Variants in KCNT2 observed in about 807,000 individuals in gnomAD.
The protein encoded by KCNT2 is potassium sodium-activated channel subfamily T member 2.
Under a neutral mutation model 153.8 loss-of-function variants are expected in KCNT2, and 67 were observed. The observed-to-expected ratio is 0.44, with a 90% CI of 0.36 to 0.53. KCNT2 has a LOEUF of 0.53. Ranked by LOEUF, KCNT2 falls within the 20% of genes least tolerant of loss-of-function variation. The probability of loss-of-function intolerance (pLI) is 0.00; values close to 1 mark genes in which losing one functional copy is unlikely to be tolerated. For synonymous variants in KCNT2, 500 were observed against 458.8 expected (o/e 1.09, Z -1.15); for missense variants, 975 against 1,354.8 (o/e 0.72, Z 4.40).
At chr1:196,572,616 T>C (rs940366861) in intron 1 of KCNT2, among the ~76,000 whole-genome samples, 2 of 152,126 alleles carry the variant, frequency 1.3e-5, no homozygotes, top group African/African-American at 4.8e-5. Context: ...ATCATTATCA[T>C]GGAATGCAAA....
chr1:196,423,793 A>C (rs1325367050), intron 11 of KCNT2, among the ~76,000 whole-genome samples: 1 of 151,820 alleles, frequency 6.6e-6, no homozygotes, highest in Non-Finnish European at 1.5e-5. Flanking sequence ...AATAAGACCA[A>C]ACCAAACAGT....
At chr1:196,339,548 G>C (rs1041549788) in intron 16 of KCNT2, among the ~76,000 whole-genome samples, 14 of 150,728 alleles carry the variant, frequency 9.3e-5, no homozygotes, top group Admixed American at 3.4e-4. Context: ...GAGAGAGAGA[G>C]AGAGACAGAG....
intron 1 of KCNT2, among the ~76,000 whole-genome samples, chr1:196,494,645 G>A (rs891031367): frequency 1.3e-5 from 2 of 152,040 alleles, no homozygotes; most frequent in African/African-American, 4.8e-5. Flanking sequence ...GCGCAGAGGA[G>A]CATTTTTTAA....
At chr1:196,407,674 G>A (rs1558253070) in intron 12 of KCNT2, among the ~76,000 whole-genome samples, 1 of 151,266 alleles carries the variant, frequency 6.6e-6, no homozygotes, top group Non-Finnish European at 1.5e-5. Context: ...TTTTATTTCA[G>A]CTCTTTTCTC....
chr1:196,478,948 A>T lies in KCNT2; in HGVS notation c.384+231T>A, dbSNP rs540839177. Among the ~76,000 whole-genome samples, 17 of 152,324 alleles carry T rather than the reference A, an allele frequency of 1.1e-4. No individual in the cohort carries two copies. In the East Asian group the frequency reaches 3.3e-3, roughly 29 times the overall value. ...TCCATTTGCTTGTCTCACTATATGC[A>T]TGCATATAATGGGTAAGTAAACCCA... is the stretch of plus-strand genomic sequence containing the variant. On this transcript the variant is annotated intron_variant, in intron 5 of 27. Transcript: ENST00000294725.
chr1:196,316,323 TCC>T (rs1662716735), intron 20 of KCNT2, among the ~76,000 whole-genome samples: 3 of 151,684 alleles, frequency 2.0e-5, no homozygotes, highest in African/African-American at 7.3e-5. Context: ...ATGGAATACA[TCC>T]ATTTTGCAAT....
intron 14 of KCNT2, among the ~76,000 whole-genome samples, chr1:196,364,538 T>C (rs1034760400): frequency 1.3e-5 from 2 of 152,146 alleles, no homozygotes; most frequent in Non-Finnish European, 2.9e-5. Context: ...GCAATCTCTC[T>C]GGTGAAATAG....
intron 1 of KCNT2, among the ~76,000 whole-genome samples, chr1:196,567,974 T>G (rs1179181432): frequency 6.6e-6 from 1 of 152,160 alleles, no homozygotes; most frequent in Non-Finnish European, 1.5e-5. Flanking sequence ...AGCATAGAAG[T>G]CATCACCTCT....
At chr1:196,369,274 C>T (rs974810018) in intron 14 of KCNT2, among the ~76,000 whole-genome samples, 16 of 151,534 alleles carry the variant, frequency 1.1e-4, no homozygotes, top group African/African-American at 3.9e-4. Context: ...TCATTATAGT[C>T]CATGTTCAAA....
rs1335309700 is a variant in KCNT2, at chr1:196,559,061, C to CA, written c.95+49153dup. On this transcript the variant is annotated intron_variant, in intron 1 of 27. Transcript: ENST00000294725. Reference sequence around the variant, plus strand: ...AAACAGTAGCTGTTTTACTTGGAAACAAAAAAAAAAATCACTGAATATAGT... The same window carrying CA: ...AAACAGTAGCTGTTTTACTTGGAAACAAAAAAAAAAAATCACTGAATATAGT... Among the ~76,000 whole-genome samples, 303 of 143,302 alleles carry CA rather than the reference C, an allele frequency of 2.1e-3. 1 individual carries two copies. The highest frequency in any genetic ancestry group is 5.3e-3 in the African/African-American group (210 of 39,380). 94.0% of individuals were successfully genotyped at this position (143,302 alleles called of 152,430 possible). A position where few individuals can be genotyped will look rare whatever the true frequency, so the allele number is the denominator to read the frequency against.
At chr1:196,378,298 C>T (rs1357552763) in intron 13 of KCNT2, among the ~76,000 whole-genome samples, 5 of 152,084 alleles carry the variant, frequency 3.3e-5, no homozygotes, top group African/African-American at 9.7e-5. Flanking sequence ...TATTGTGTAT[C>T]TGTATGGGGT....
At chr1:196,284,248 A>AAAAAAAAAAAAAAAAATAT in intron 23 of KCNT2, among the ~76,000 whole-genome samples, 1 of 10,042 alleles carries the variant, frequency 1.0e-4, no homozygotes, top group African/African-American at 1.4e-4. Flanking sequence ...AAAAAAAAAA[A>AAAAAAAAAAAAAAAAATAT]ATATATATAT....
intron 12 of KCNT2, among the ~76,000 whole-genome samples, chr1:196,400,954 G>A (rs1671358917): frequency 6.6e-6 from 1 of 151,772 alleles, no homozygotes; most frequent in Non-Finnish European, 1.5e-5. Flanking sequence ...GCACAAGTTG[G>A]CTAAGACTCC....
In KCNT2 at chr1:196,546,497, T is replaced by C. The variant is rs191852983; in HGVS notation, c.96-54156A>G. Among the ~76,000 whole-genome samples the C allele has an allele frequency of 6.6e-5, 10 of 152,160 alleles. No individual in the cohort carries two copies. The South Asian group carries it at 1.7e-3, about 25-fold the overall frequency. ...CACCTTCCCATAACACTGAGTGCTT[T>C]CTAAGTCACCTCTGCTTATACCCTG... On this transcript the variant is annotated intron_variant, in intron 1 of 27. Transcript: ENST00000294725.
At chr1:196,262,641 AT>A (rs1327924322) in intron 25 of KCNT2, among the ~76,000 whole-genome samples, 1 of 152,080 alleles carries the variant, frequency 6.6e-6, no homozygotes, top group East Asian at 1.9e-4. Context: ...TTAAAAAAAA[AT>A]CTAAAGAAAG....
intron 13 of KCNT2, among the ~76,000 whole-genome samples, chr1:196,388,528 G>A (rs1305469553): frequency 6.6e-6 from 1 of 151,558 alleles, no homozygotes; most frequent in East Asian, 1.9e-4. Context: ...AACCCTTGAA[G>A]TAAGCTACAT....
intron 1 of KCNT2, among the ~76,000 whole-genome samples, chr1:196,503,621 T>C (rs1680876344): frequency 1.3e-5 from 2 of 152,124 alleles, no homozygotes; most frequent in Admixed American, 6.5e-5. Context: ...CAGTTAAATA[T>C]TATAACAAAG....
Position 196,581,800 on chromosome 1 carries a change from ATTAC to A in KCNT2, c.95+26411_95+26414del, listed in dbSNP as rs532747632. On this transcript the variant is annotated intron_variant, in intron 1 of 27. Coordinates refer to ENST00000294725, the MANE Select transcript of KCNT2 (RefSeq NM_198503.5). ...AAATATATCAAATTCACTTTCTTCC[ATTAC>A]TTATGTTTTGAAAACTAAGTCTTTC... Among the ~76,000 whole-genome samples the A allele has an allele frequency of 7.4e-3, 1,128 of 152,228 alleles. 6 individuals are homozygous for A. The highest frequency in any genetic ancestry group is 0.018 in the South Asian group (86 of 4,828).
In KCNT2 at chr1:196,470,762, T is replaced by C. The variant is rs574461530; in HGVS notation, c.385-1694A>G. On this transcript the variant is annotated intron_variant, in intron 5 of 27. Coordinates refer to ENST00000294725, the MANE Select transcript of KCNT2 (RefSeq NM_198503.5). The stretch of plus-strand genomic sequence containing the variant: ...TAAGAGAGGAAGTAGAAACATCAGA[T>C]AGGCCTCCCATGATAATTCCCTGTG... Among the ~76,000 whole-genome samples, 40 of 152,240 alleles carry C rather than the reference T, an allele frequency of 2.6e-4. No homozygotes were observed. In the South Asian group the frequency reaches 8.1e-3, roughly 31 times the overall value.
Sources: allele counts gnomAD v4.1 joint callset (sites outside exome capture counted in the v4.1 genomes callset), GRCh38; gene constraint gnomAD v4.1.1; transcripts MANE v1.5; gene names NCBI Gene and HGNC (gene_info 2026-07-23, HGNC 2026-07-21).